The following GSAP variants were observed in gnomAD, a reference collection of about 807,000 sequenced individuals.
GSAP encodes the protein gamma-secretase activating protein.
In GSAP, 118 loss-of-function variants were observed where a neutral mutation model predicts 131.7. The observed-to-expected ratio is 0.90, with a 90% confidence interval of 0.77 to 1.04. The LOEUF (loss-of-function observed/expected upper bound fraction) is 1.04, where lower values mean the gene tolerates loss of function less well. Ranked by LOEUF, GSAP falls within the 50% of genes least tolerant of loss-of-function variation. The pLI is 0.00. For missense variants in GSAP, 1,019 were observed against 1,013.2 expected, an observed-to-expected ratio of 1.01 and a Z score of -0.08; for synonymous variants, 381 against 363.4, an observed-to-expected ratio of 1.05 and a Z score of -0.55.
chr7:77,412,828 TAGTG>T (rs1156744935), intron 1 of GSAP, among the ~76,000 whole-genome samples: 3 of 148,818 alleles, frequency 2.0e-5, no homozygotes, highest in Non-Finnish European at 4.4e-5. Flanking sequence ...CTTGTGAGGA[TAGTG>T]AGTATCAGAA....
intron 3 of GSAP, among the ~76,000 whole-genome samples, chr7:77,404,213 C>T (rs1311989470): frequency 6.6e-6 from 1 of 152,222 alleles, no homozygotes; most frequent in Non-Finnish European, 1.5e-5. Flanking sequence ...CACCTAGTAG[C>T]TGCTGAAACA....
chr7:77,331,932 C>T (rs186606053), intron 19 of GSAP: 4 of 150,808 alleles, frequency 2.7e-5, no homozygotes, highest in East Asian at 1.9e-4. Flanking sequence ...ATCCTGCAGA[C>T]GTTTGATGGA....
At chr7:77,410,610 T>C (rs1227810457) in intron 1 of GSAP, among the ~76,000 whole-genome samples, 1 of 152,216 alleles carries the variant, frequency 6.6e-6, no homozygotes, top group Non-Finnish European at 1.5e-5. Context: ...ATTAAAGATA[T>C]TGGCAAGGCA....
chr7:77,330,201 C>T, intron 20 of GSAP, 38 bp downstream of exon 20: 2 of 1,583,142 alleles, frequency 1.3e-6, no homozygotes, highest in Non-Finnish European at 8.6e-7. Context: ...GTCCACTATG[C>T]CTCGCTGCTG....
chr7:77,376,387 G>C (rs1394563992), intron 10 of GSAP, among the ~76,000 whole-genome samples: 1 of 152,144 alleles, frequency 6.6e-6, no homozygotes, highest in South Asian at 2.1e-4. Context: ...GAAACCTGGA[G>C]GTGGCAAGAA....
At chr7:77,388,779 C>T (rs571397327) in intron 5 of GSAP, among the ~76,000 whole-genome samples, 23 of 152,304 alleles carry the variant, frequency 1.5e-4, no homozygotes, top group African/African-American at 2.4e-4. Context: ...AAGCAAAGAA[C>T]GTAAAACAAT....
Position 77,326,292 on chromosome 7 carries a change from A to G in GSAP, c.1766-19T>C. On this transcript the variant is annotated intron_variant, in intron 22 of 30. Coordinates refer to ENST00000257626, the MANE Select transcript of GSAP (RefSeq NM_017439.4). Reference sequence around the variant, plus strand: ...CTTGGCCCTGAAATGAAACAGAGCAATAGTTAGGCTCTGAGCAGTTTTCAG... The same window carrying G: ...CTTGGCCCTGAAATGAAACAGAGCAGTAGTTAGGCTCTGAGCAGTTTTCAG... 6.3e-7 allele frequency: 1 copy of G among 1,585,608 alleles called. No individual in the cohort carries two copies. The highest frequency in any genetic ancestry group is 8.7e-7 in the Non-Finnish European group (1 of 1,155,984).
At chr7:77,381,263 GAA>G in intron 8 of GSAP, 40 bp downstream of exon 8, 1 of 1,112,044 alleles carries the variant, frequency 9.0e-7, no homozygotes, top group Non-Finnish European at 1.3e-6. Flanking sequence ...TCTTTGTGGG[GAA>G]AAAAAAACCT....
chr7:77,382,654 GAAATTAATCAT>G lies in GSAP; in HGVS notation c.457-22_457-12del, dbSNP rs1797972703. The G allele has an allele frequency of 1.4e-6, 2 of 1,431,306 alleles. No individual in the cohort carries two copies. Among genetic ancestry groups the G allele is most frequent in the Non-Finnish European group, 2.0e-6 (2 of 1,013,780 alleles). 88.7% of individuals were successfully genotyped at this position (1,431,306 alleles called of 1,614,324 possible). On this transcript the variant is annotated splice_polypyrimidine_tract_variant and intron_variant, in intron 6 of 30. Coordinates refer to ENST00000257626, the MANE Select transcript of GSAP (RefSeq NM_017439.4). Reference sequence around the variant, plus strand: ...ATGTGGGTAGAGAAACTGTAAAAAAGAAATTAATCATAATTGTAAGCAACTATCTTGCTTGA... The same window carrying G: ...ATGTGGGTAGAGAAACTGTAAAAAAGAATTGTAAGCAACTATCTTGCTTGA...
intron 7 of GSAP, 95 bp from the exon 8 acceptor site, chr7:77,381,449 A>C: frequency 1.7e-6 from 1 of 573,306 alleles, no homozygotes; most frequent in African/African-American, 1.9e-5. Context: ...TTATAAAAGC[A>C]ATGCAGATTG....
chr7:77,378,915 G>C (rs1415694908), intron 8 of GSAP, among the ~76,000 whole-genome samples: 3 of 152,116 alleles, frequency 2.0e-5, no homozygotes, highest in Non-Finnish European at 4.4e-5. Context: ...ACACCAGAAT[G>C]GTCCATATTC....
chr7:77,389,303 A>T (rs190008677), intron 5 of GSAP, among the ~76,000 whole-genome samples: 5,970 of 148,458 alleles, frequency 0.04, 276 homozygotes, highest in African/African-American at 0.11. Flanking sequence ...ATATATATAT[A>T]TTTTTTGTTT....
At chr7:77,321,440 T>G in intron 24 of GSAP, 37 bp from the exon 25 acceptor site, 1 of 1,380,270 alleles carries the variant, frequency 7.2e-7, no homozygotes, top group Non-Finnish European at 1.0e-6. Flanking sequence ...CATTGCTCCA[T>G]TCCTTCCCTC....
chr7:77,402,673 C>A (rs1468665490), intron 3 of GSAP, among the ~76,000 whole-genome samples: 1 of 125,732 alleles, frequency 8.0e-6, no homozygotes, highest in African/African-American at 3.0e-5. Flanking sequence ...ATAAAACCAT[C>A]AAAAGGTCCG....
chr7:77,361,554 T>G (rs1363645196), intron 13 of GSAP, among the ~76,000 whole-genome samples: 2 of 152,228 alleles, frequency 1.3e-5, no homozygotes, highest in Non-Finnish European at 2.9e-5. Flanking sequence ...TTTTTTACCT[T>G]AATCTCTAAC....
At chr7:77,412,538 CA>C (rs1219472701) in intron 1 of GSAP, among the ~76,000 whole-genome samples, 2 of 152,024 alleles carry the variant, frequency 1.3e-5, no homozygotes, top group African/African-American at 4.8e-5. Context: ...TCCTGTTTAT[CA>C]AAGGCACCAT....
intron 22 of GSAP, chr7:77,326,836 C>G (rs1788387446): frequency 6.6e-6 from 1 of 152,344 alleles, no homozygotes; most frequent in Admixed American, 6.5e-5. Flanking sequence ...ATTTGCAATG[C>G]ACACTACAGT....
intron 23 of GSAP, among the ~76,000 whole-genome samples, chr7:77,325,192 T>C (rs781516669): frequency 1.3e-5 from 2 of 152,198 alleles, no homozygotes; most frequent in Non-Finnish European, 2.9e-5. Flanking sequence ...TTCTTGTATA[T>C]GTGAGATTTT....
intron 5 of GSAP, among the ~76,000 whole-genome samples, chr7:77,390,126 G>A (rs558253235): frequency 6.6e-6 from 1 of 152,222 alleles, no homozygotes; most frequent in East Asian, 1.9e-4. Flanking sequence ...ACTTTTTGAT[G>A]GGGTTGTTTG....
Sources: allele counts gnomAD v4.1 joint callset (sites outside exome capture counted in the v4.1 genomes callset), GRCh38; gene constraint gnomAD v4.1.1; transcripts MANE v1.5; gene names NCBI Gene and HGNC (gene_info 2026-07-23, HGNC 2026-07-21).